Variants in SCFD2 observed in about 807,000 individuals in gnomAD.
SCFD2 encodes sec1 family domain containing 2.
In SCFD2, 54 loss-of-function variants were observed where a neutral mutation model predicts 58.9. The ratio of observed to expected loss-of-function variants is 0.92; its 90% CI spans 0.74 to 1.15. The LOEUF (loss-of-function observed/expected upper bound fraction) is 1.15, where lower values mean the gene tolerates loss of function less well. Among genes scored for constraint, SCFD2 ranks in the 50% most tolerant of loss-of-function variants. The pLI is 0.00. For synonymous variants in SCFD2, 321 were observed against 335.9 expected, an observed-to-expected ratio of 0.96 and a Z score of 0.49; for missense variants, 805 against 836.6, an observed-to-expected ratio of 0.96 and a Z score of 0.47.
At chr4:53,292,893 G>C (rs2149088025) in intron 3 of SCFD2, among the ~76,000 whole-genome samples, 1 of 152,116 alleles carries the variant, frequency 6.6e-6, no homozygotes, top group African/African-American at 2.4e-5. Context: ...AGAGGAGGGA[G>C]AGCGTTAGGA....
chr4:53,148,903 A>G (rs1726420916), intron 4 of SCFD2, among the ~76,000 whole-genome samples: 1 of 152,202 alleles, frequency 6.6e-6, no homozygotes, highest in Admixed American at 6.5e-5. Context: ...CCAGCTACTC[A>G]AGAGGCTAAG....
At chr4:53,364,713 A>G (rs745992032) in intron 1 of SCFD2, among the ~76,000 whole-genome samples, 1 of 123,918 alleles carries the variant, frequency 8.1e-6, no homozygotes, top group Non-Finnish European at 1.9e-5. Context: ...GTCATCTATT[A>G]ACACTTCTCC....
Position 53,145,359 on chromosome 4 carries a change from A to G in SCFD2, c.1535T>C (p.Leu512Ser), listed in dbSNP as rs7675987. 548,816 of 1,613,566 alleles carry G rather than the reference A, an allele frequency of 0.34. 96,002 individuals are homozygous for G. Among genetic ancestry groups the G allele is most frequent in the Non-Finnish European group, 0.37 (432,617 of 1,179,628 alleles). ...CGTAATTTTTTGCAGCAAAGGTGACAATCCAGATTCCTCACAGAAGACCTG... is the reference window on the plus strand; with the variant it reads ...CGTAATTTTTTGCAGCAAAGGTGACGATCCAGATTCCTCACAGAAGACCTG... ...LAQVFCEESGLSPLLQKITDW... is the reference protein window; with the variant it reads ...LAQVFCEESGSSPLLQKITDW... The change falls in exon 5 of 9, where the codon TTG becomes TCG. Residue 512 changes from leucine to serine, a missense_variant. By Grantham distance (145) the Leu-to-Ser change is moderately radical (BLOSUM62 -2). Transcript: ENST00000401642.
chr4:53,018,753 G>T (rs1019838769), intron 5 of SCFD2, among the ~76,000 whole-genome samples: 6 of 152,072 alleles, frequency 3.9e-5, no homozygotes, highest in Admixed American at 1.3e-4. Context: ...CAAAACTTAC[G>T]CCAGCCTGAC....
intron 5 of SCFD2, among the ~76,000 whole-genome samples, chr4:53,012,834 G>GGT (rs1722127620): frequency 7.4e-6 from 1 of 134,560 alleles, no homozygotes; most frequent in Non-Finnish European, 1.6e-5. Flanking sequence ...GTGTGTGTGT[G>GGT]TGTTTTTTTT....
chr4:53,303,962 G>A (rs1200204337), intron 3 of SCFD2, among the ~76,000 whole-genome samples: 1 of 123,588 alleles, frequency 8.1e-6, no homozygotes, highest in Non-Finnish European at 1.6e-5. Context: ...TCGGGTGGGG[G>A]GAGGGGGGAG....
At chr4:53,238,601 A>C (rs867222518) in intron 4 of SCFD2, among the ~76,000 whole-genome samples, 96 of 150,546 alleles carry the variant, frequency 6.4e-4, no homozygotes, top group Admixed American at 2.6e-3. Context: ...CTCACTTCCC[A>C]GACGGGGCGG....
intron 2 of SCFD2, among the ~76,000 whole-genome samples, chr4:53,340,717 G>C (rs536109139): frequency 1.4e-4 from 21 of 152,264 alleles, no homozygotes; most frequent in African/African-American, 5.1e-4. Context: ...TCCCAATAGG[G>C]GGCGACGGAC....
chr4:53,222,450 T>C (rs1340721367), intron 4 of SCFD2, among the ~76,000 whole-genome samples: 1 of 152,238 alleles, frequency 6.6e-6, no homozygotes, highest in Non-Finnish European at 1.5e-5. Context: ...CTGTGCATGA[T>C]AAATTTAGAA....
chr4:53,163,020 C>A (rs367713604), intron 4 of SCFD2, among the ~76,000 whole-genome samples: 4 of 152,164 alleles, frequency 2.6e-5, no homozygotes, highest in African/African-American at 9.6e-5. Context: ...ATGAGAGTGA[C>A]CAGCAACAGA....
chr4:52,908,867 A>G (rs1577818661), intron 6 of SCFD2, among the ~76,000 whole-genome samples: 1 of 152,168 alleles, frequency 6.6e-6, no homozygotes, highest in African/African-American at 2.4e-5. Flanking sequence ...AGTCAAACAG[A>G]CCATTGTTTG....
rs949433253 is a variant in SCFD2 at position 52,990,781 on chromosome 4, G to A, written c.1562-69911C>T. On this transcript the variant is annotated intron_variant, in intron 5 of 8. Coordinates refer to ENST00000401642, the MANE Select transcript of SCFD2 (RefSeq NM_152540.4). ...TAAAGAAAAAAAAATAAGGGTAAAA[G>A]TCATGAAACATTTAAAGGATTGGTC... Among the ~76,000 whole-genome samples the A allele has an allele frequency of 2.0e-5, 3 of 152,146 alleles. No homozygotes were observed. The East Asian group carries it at 5.8e-4, about 29-fold the overall frequency.
At chr4:52,965,361 T>C (rs1720940030) in intron 5 of SCFD2, among the ~76,000 whole-genome samples, 1 of 152,146 alleles carries the variant, frequency 6.6e-6, no homozygotes, top group Admixed American at 6.5e-5. Flanking sequence ...CCCAGAGCCC[T>C]CAGTTCCTCT....
chr4:53,071,452 TA>T (rs1439848486), intron 5 of SCFD2, among the ~76,000 whole-genome samples: 1 of 152,132 alleles, frequency 6.6e-6, no homozygotes, highest in Non-Finnish European at 1.5e-5. Flanking sequence ...GAAATATATA[TA>T]AAAGGATAAC....
At chr4:53,280,083 C>A (rs1447182543) in intron 3 of SCFD2, among the ~76,000 whole-genome samples, 4 of 152,180 alleles carry the variant, frequency 2.6e-5, no homozygotes, top group Non-Finnish European at 1.5e-5. Context: ...TGTTTTCTGG[C>A]TGGTAAAATA....
intron 7 of SCFD2, among the ~76,000 whole-genome samples, chr4:52,903,616 A>T (rs1437255887): frequency 2.0e-5 from 3 of 152,228 alleles, no homozygotes; most frequent in African/African-American, 7.2e-5. Context: ...GCAGAAAAGA[A>T]TAAGACCCAG....
chr4:53,043,246 A>C (rs1180344837), intron 5 of SCFD2, among the ~76,000 whole-genome samples: 3 of 152,198 alleles, frequency 2.0e-5, no homozygotes, highest in Non-Finnish European at 4.4e-5. Flanking sequence ...GAATCTGATG[A>C]AGCCCACGTC....
At chr4:53,084,166 C>T (rs568092377) in intron 5 of SCFD2, among the ~76,000 whole-genome samples, 2 of 152,272 alleles carry the variant, frequency 1.3e-5, no homozygotes, top group African/African-American at 4.8e-5. Context: ...CAGTCCTAAT[C>T]TCAACTGCAC....
At chr4:53,258,538 G>GTATATATATATATATATATATATATA (rs59321045) in intron 4 of SCFD2, among the ~76,000 whole-genome samples, 4 of 119,936 alleles carry the variant, frequency 3.3e-5, no homozygotes, top group Admixed American at 8.3e-5. Context: ...TGGTGTGTGT[G>GTATATATATATATATATATATATATA]TATATATATA....
Sources: gnomAD v4.1 joint callset for allele counts (sites outside exome capture counted in the v4.1 genomes callset) on GRCh38, gnomAD v4.1.1 for gene constraint, MANE v1.5 for transcripts, NCBI Gene and HGNC (gene_info 2026-07-23, HGNC 2026-07-21) for gene names.